MAPRE2: variants seen among roughly 807,000 people sequenced by gnomAD.
The protein encoded by MAPRE2 is microtubule associated protein RP/EB family member 2, also known as microtubule-associated protein RP/EB family member 2.
MAPRE2 carries 13 observed loss-of-function variants against 43.2 expected under a neutral mutation model. The ratio of observed to expected loss-of-function variants is 0.30; its 90% CI spans 0.20 to 0.48. The LOEUF is 0.48. Among genes scored for constraint, MAPRE2 ranks in the 20% least tolerant of loss-of-function variants. The pLI is 0.99. For synonymous variants in MAPRE2, 135 were observed against 148.8 expected (o/e 0.91, Z 0.68); for missense variants, 161 against 400.2 (o/e 0.40, Z 5.10).
intron 2 of MAPRE2, among the ~76,000 whole-genome samples, chr18:35,084,860 C>A (rs949281451): frequency 6.6e-6 from 1 of 152,192 alleles, no homozygotes; most frequent in African/African-American, 2.4e-5. Context: ...TCAGTTGAAA[C>A]CGGATTTCTG....
intron 1 of MAPRE2, among the ~76,000 whole-genome samples, chr18:35,044,139 C>T (rs1905502435): frequency 6.6e-6 from 1 of 152,198 alleles, no homozygotes; most frequent in Non-Finnish European, 1.5e-5. Context: ...TGAGTGAGCC[C>T]AGTTCCCTGG....
intron 6 of MAPRE2, among the ~76,000 whole-genome samples, chr18:35,134,049 T>C (rs1259050912): frequency 1.3e-5 from 2 of 152,210 alleles, no homozygotes; most frequent in African/African-American, 4.8e-5. Context: ...ATAATAAGTT[T>C]AGCAGACACC....
Position 35,086,597 on chromosome 18 carries a change from A to T in MAPRE2, c.251-10849A>T, listed in dbSNP as rs183945948. ...TATAAAAATTTCTAAAACTTAATCT[A>T]TAAAAATTTCCAAACACTCTTTGAA... On this transcript the variant is annotated intron_variant, in intron 2 of 6. Transcript: ENST00000300249. Among the ~76,000 whole-genome samples the T allele has an allele frequency of 5.5e-4, 83 of 152,144 alleles. No individual in the cohort carries two copies. In the East Asian group the frequency reaches 0.011, roughly 20 times the overall value.
intron 4 of MAPRE2, among the ~76,000 whole-genome samples, chr18:35,108,622 C>T (rs1909022133): frequency 1.3e-5 from 2 of 152,104 alleles, no homozygotes; most frequent in Non-Finnish European, 2.9e-5. Flanking sequence ...TCCACAGCCT[C>T]GCCAGCATCT....
chr18:35,109,768 A>G (rs1909089130), intron 4 of MAPRE2, among the ~76,000 whole-genome samples: 1 of 151,932 alleles, frequency 6.6e-6, no homozygotes, highest in South Asian at 2.1e-4. Context: ...ATTCATTCTG[A>G]TAATCTTTAC....
In MAPRE2 at chr18:35,141,558, C is replaced by T. The variant is rs1023923313; in HGVS notation, c.*1189C>T. Reference sequence around the variant, plus strand: ...GTCATTGACCTTAGCTAAACCATGGCAATTCATAAATAGAGGAAACATTAA... The same window carrying T: ...GTCATTGACCTTAGCTAAACCATGGTAATTCATAAATAGAGGAAACATTAA... On this transcript the variant is annotated 3_prime_UTR_variant, in exon 7 of 7. Transcript: ENST00000300249. 4 of 152,208 alleles carry T rather than the reference C, an allele frequency of 2.6e-5. No homozygotes were observed. The highest frequency in any genetic ancestry group is 1.9e-4 in the East Asian group (1 of 5,196). The allele number at this position is 152,208 out of a possible 1,614,324, so 9.4% of individuals were successfully genotyped here.
chr18:35,081,044 AT>A (rs1219994293), intron 2 of MAPRE2, among the ~76,000 whole-genome samples: 3 of 152,176 alleles, frequency 2.0e-5, no homozygotes, highest in Non-Finnish European at 4.4e-5. Context: ...CTCCATTTTC[AT>A]TTCTTCTAGA....
At chr18:35,106,314 A>T (rs993449001) in intron 4 of MAPRE2, among the ~76,000 whole-genome samples, 1 of 151,090 alleles carries the variant, frequency 6.6e-6, no homozygotes, top group African/African-American at 2.5e-5. Context: ...TAGTGGATTT[A>T]TCTCTCCCCC....
intron 2 of MAPRE2, among the ~76,000 whole-genome samples, chr18:35,010,871 A>T (rs550639880): frequency 1.2e-4 from 19 of 152,358 alleles, no homozygotes; most frequent in Admixed American, 5.9e-4. Context: ...GGTTAGATAA[A>T]GAAAATATGG....
chr18:35,062,461 C>A (rs530674210), intron 1 of MAPRE2, among the ~76,000 whole-genome samples: 7 of 152,188 alleles, frequency 4.6e-5, no homozygotes, highest in Non-Finnish European at 8.8e-5. Flanking sequence ...AAGTAAAAAG[C>A]CTTCTTTACA....
At chr18:35,132,248 C>T (rs1910188991) in intron 6 of MAPRE2, 58 bp downstream of exon 6, 8 of 1,531,914 alleles carry the variant, frequency 5.2e-6, no homozygotes, top group Non-Finnish European at 9.0e-7. Flanking sequence ...GGTCAAAACA[C>T]AGTAGATCAG....
At chr18:35,025,596 C>T (rs2097044661) in intron 2 of MAPRE2, among the ~76,000 whole-genome samples, 1 of 152,208 alleles carries the variant, frequency 6.6e-6, no homozygotes, top group Admixed American at 6.5e-5. Flanking sequence ...GACAGGGACT[C>T]AGAGGTAACA....
intron 2 of MAPRE2, among the ~76,000 whole-genome samples, chr18:35,075,373 T>G (rs1415773010): frequency 1.3e-5 from 2 of 152,148 alleles, no homozygotes; most frequent in African/African-American, 4.8e-5. Flanking sequence ...CTGTGCCTCC[T>G]CTCTTCCATC....
intron 3 of MAPRE2, among the ~76,000 whole-genome samples, chr18:35,099,102 A>G (rs572378633): frequency 5.9e-5 from 9 of 152,208 alleles, no homozygotes; most frequent in African/African-American, 1.4e-4. Flanking sequence ...AATTAAGTCC[A>G]CAGAAGTAAA....
At chr18:35,118,742 G>A (rs1046091150) in intron 4 of MAPRE2, among the ~76,000 whole-genome samples, 3 of 152,112 alleles carry the variant, frequency 2.0e-5, no homozygotes, top group Admixed American at 6.5e-5. Flanking sequence ...GGTCCTTTGC[G>A]ACCTGCCCTT....
chr18:35,133,536 C>T (rs926365735), intron 6 of MAPRE2, among the ~76,000 whole-genome samples: 2 of 151,994 alleles, frequency 1.3e-5, no homozygotes, highest in Non-Finnish European at 2.9e-5. Context: ...TTATTTGAGG[C>T]TAAATCAGCT....
intron 2 of MAPRE2, among the ~76,000 whole-genome samples, chr18:35,084,564 A>G (rs1907784438): frequency 1.3e-5 from 2 of 152,226 alleles, no homozygotes; most frequent in Non-Finnish European, 1.5e-5. Flanking sequence ...CTTTTCCTGT[A>G]CAAGAAAAGA....
At chr18:34,991,131 T>C (rs2097023567) in intron 1 of MAPRE2, among the ~76,000 whole-genome samples, 1 of 152,138 alleles carries the variant, frequency 6.6e-6, no homozygotes, top group Admixed American at 6.5e-5. Flanking sequence ...GTAATGAGCA[T>C]AGTATCCAAC....
chr18:35,127,340 T>G, intron 5 of MAPRE2: 1 of 412,638 alleles, frequency 2.4e-6, no homozygotes, highest in African/African-American at 2.0e-5. Context: ...GACTTCAGGC[T>G]ACCTTCCCCT....
Sources: allele counts gnomAD v4.1 joint callset (sites outside exome capture counted in the v4.1 genomes callset), GRCh38; gene constraint gnomAD v4.1.1; transcripts MANE v1.5; gene names NCBI Gene and HGNC (gene_info 2026-07-23, HGNC 2026-07-21).